Variants in RIC1 observed in about 807,000 individuals in gnomAD.
RIC1 encodes guanine nucleotide exchange factor subunit RIC1.
Under a neutral mutation model 169.0 loss-of-function variants are expected in RIC1, and 88 were observed. The ratio of observed to expected loss-of-function variants is 0.52; its 90% CI spans 0.44 to 0.62. The LOEUF (loss-of-function observed/expected upper bound fraction) is 0.62, where lower values mean the gene tolerates loss of function less well. RIC1 is among the 20% of genes least tolerant of loss of function. RIC1 has a pLI of 0.00. For synonymous variants in RIC1, 790 were observed against 601.5 expected (o/e 1.31, Z -4.59); for missense variants, 1,877 against 1,725.5 (o/e 1.09, Z -1.56).
At chr9:5,707,934 T>C (rs969291507) in intron 3 of RIC1, among the ~76,000 whole-genome samples, 1 of 152,166 alleles carries the variant, frequency 6.6e-6, no homozygotes, top group Non-Finnish European at 1.5e-5. Flanking sequence ...ATTATGTCTG[T>C]ATCTTTTTTG....
chr9:5,710,144 A>T (rs554189071), intron 3 of RIC1, among the ~76,000 whole-genome samples: 4 of 152,320 alleles, frequency 2.6e-5, no homozygotes, highest in African/African-American at 9.6e-5. Context: ...GATACTGATA[A>T]AAAGCACCTT....
At chr9:5,655,228 C>A (rs530707226) in intron 1 of RIC1, among the ~76,000 whole-genome samples, 22 of 152,160 alleles carry the variant, frequency 1.4e-4, no homozygotes, top group Non-Finnish European at 2.6e-4. Context: ...GAAAAAATTT[C>A]TTTCTATTCC....
intron 1 of RIC1, among the ~76,000 whole-genome samples, chr9:5,629,851 C>G (rs1817632647): frequency 6.6e-6 from 1 of 152,248 alleles, no homozygotes; most frequent in South Asian, 2.1e-4. Flanking sequence ...CCCTCCCTTA[C>G]TTTAAAGGTC....
chr9:5,723,694 C>T (rs1823762073), intron 6 of RIC1, among the ~76,000 whole-genome samples: 1 of 152,092 alleles, frequency 6.6e-6, no homozygotes, highest in Non-Finnish European at 1.5e-5. Context: ...GGTTTTAGGT[C>T]CAACATTTAA....
intron 1 of RIC1, among the ~76,000 whole-genome samples, chr9:5,640,542 C>T (rs1214445361): frequency 6.6e-6 from 1 of 152,108 alleles, no homozygotes; most frequent in Non-Finnish European, 1.5e-5. Context: ...GTAGTTTACA[C>T]ACTACAATAA....
intron 6 of RIC1, among the ~76,000 whole-genome samples, chr9:5,728,006 G>A (rs1202307398): frequency 1.3e-5 from 2 of 152,196 alleles, no homozygotes; most frequent in Admixed American, 6.5e-5. Context: ...CCCACTTGAG[G>A]AGGCAGTCTG....
intron 6 of RIC1, among the ~76,000 whole-genome samples, chr9:5,727,951 C>G (rs1020002073): frequency 1.3e-5 from 2 of 152,192 alleles, no homozygotes; most frequent in Admixed American, 1.3e-4. Context: ...TCAGTTGGCC[C>G]CTAATGGGAG....
chr9:5,760,381 CT>C (rs1826254711), intron 17 of RIC1, among the ~76,000 whole-genome samples: 1 of 152,172 alleles, frequency 6.6e-6, no homozygotes, highest in Admixed American at 6.5e-5. Context: ...AGATAGGATA[CT>C]GATAATACCC....
intron 2 of RIC1, among the ~76,000 whole-genome samples, chr9:5,657,956 G>A (rs1490207056): frequency 6.6e-6 from 1 of 152,092 alleles, no homozygotes; most frequent in Non-Finnish European, 1.5e-5. Context: ...TGTATTGTCT[G>A]TAACTTCTTT....
chr9:5,640,557 TATAAA>T (rs1376648071), intron 1 of RIC1, among the ~76,000 whole-genome samples: 2 of 152,210 alleles, frequency 1.3e-5, no homozygotes, highest in South Asian at 2.1e-4. Context: ...CAATAACACT[TATAAA>T]ATAAGAATCA....
chr9:5,734,088 AAT>A (rs532980925), intron 7 of RIC1, among the ~76,000 whole-genome samples: 27 of 146,542 alleles, frequency 1.8e-4, no homozygotes, highest in South Asian at 4.2e-4. Flanking sequence ...ATATATTTTA[AAT>A]ATATATATAT....
intron 3 of RIC1, among the ~76,000 whole-genome samples, chr9:5,707,118 A>T (rs1218939707): frequency 6.6e-6 from 1 of 151,964 alleles, no homozygotes; most frequent in African/African-American, 2.4e-5. Flanking sequence ...GCATTTCCTG[A>T]TTTCCCTTTT....
chr9:5,698,672 G>C (rs1177901695), intron 3 of RIC1, among the ~76,000 whole-genome samples: 8 of 152,148 alleles, frequency 5.3e-5, no homozygotes, highest in Admixed American at 5.2e-4. Context: ...TTCCAGTTCA[G>C]ATTCTGCTTT....
chr9:5,694,041 C>T (rs1821747120), intron 3 of RIC1, among the ~76,000 whole-genome samples: 2 of 152,110 alleles, frequency 1.3e-5, no homozygotes, highest in South Asian at 4.1e-4. Context: ...CTTCCCCCTC[C>T]ACCCTCCCCA....
In RIC1 at chr9:5,738,474, A is replaced by G. The variant is rs780900242; in HGVS notation, c.837A>G (p.Ile279Met). The change falls in exon 8 of 26, where the codon ATA becomes ATG. Residue 279 changes from isoleucine (I) to methionine (M), a missense_variant. Transcript: ENST00000414202. ...CVSGSVQVYTIDNSTGAMLLS... is the reference protein window; with the variant it reads ...CVSGSVQVYTMDNSTGAMLLS... ...GTGGTTCTGTGCAGGTCTATACAAT[A>G]GATAACAGCACTGGAGCCATGCTGC... 1 of 1,606,840 alleles carries G rather than the reference A, an allele frequency of 6.2e-7. No individual in the cohort carries two copies. The highest frequency in any genetic ancestry group is 1.3e-5 in the African/African-American group (1 of 74,194).
intron 25 of RIC1, 61 bp downstream of exon 25, chr9:5,773,141 T>C (rs1316216742): frequency 6.1e-6 from 6 of 988,564 alleles, no homozygotes; most frequent in Non-Finnish European, 8.6e-6. Flanking sequence ...TCCTGTCCTT[T>C]CACATTAAGG....
At chr9:5,702,213 T>C (rs1822263181) in intron 3 of RIC1, among the ~76,000 whole-genome samples, 1 of 152,244 alleles carries the variant, frequency 6.6e-6, no homozygotes, top group Non-Finnish European at 1.5e-5. Context: ...AGAAAGGGAA[T>C]ATACTTTCAG....
At chr9:5,675,535 T>G (rs1820388636) in intron 2 of RIC1, among the ~76,000 whole-genome samples, 1 of 152,248 alleles carries the variant, frequency 6.6e-6, no homozygotes, top group Admixed American at 6.5e-5. Flanking sequence ...ATGTACTTTA[T>G]TTCTTCAACT....
Position 5,656,646 on chromosome 9 carries a change from A to C in RIC1, c.208A>C (p.Lys70Gln), listed in dbSNP as rs1819116466. The change falls in exon 2 of 26, where the codon AAG becomes CAG. Residue 70 changes from lysine to glutamine, a missense_variant. By Grantham distance (53) the Lys-to-Gln change is moderately conservative. Transcript: ENST00000414202. ...AKSSTQFGSYKQAEWRPDSTM... is the reference protein window; with the variant it reads ...AKSSTQFGSYQQAEWRPDSTM... ...ATCATCTACTCAGTTTGGATCCTAC[A>C]AGCAAGCTGAATGGAGGCCAGATAG... 6.2e-7 allele frequency: 1 copy of C among 1,611,466 alleles called. No homozygotes were observed. Among genetic ancestry groups the C allele is most frequent in the East Asian group, 2.2e-5 (1 of 44,792 alleles).
Sources: allele counts gnomAD v4.1 joint callset (sites outside exome capture counted in the v4.1 genomes callset), GRCh38; gene constraint gnomAD v4.1.1; transcripts MANE v1.5; gene names NCBI Gene and HGNC (gene_info 2026-07-23, HGNC 2026-07-21).